The following PACS2 variants were observed in gnomAD, a reference collection of about 807,000 sequenced individuals.
PACS2 encodes phosphofurin acidic cluster sorting protein 2.
A neutral mutation model predicts 113.0 loss-of-function variants in PACS2; 36 were observed. The observed-to-expected ratio is 0.32, with a 90% CI of 0.24 to 0.42. The LOEUF (loss-of-function observed/expected upper bound fraction) is 0.42, where lower values mean the gene tolerates loss of function less well. Among genes scored for constraint, PACS2 ranks in the 10% least tolerant of loss-of-function variants. The probability of loss-of-function intolerance (pLI) is 1.00; values close to 1 mark genes in which losing one functional copy is unlikely to be tolerated. For missense variants in PACS2, 1,015 were observed against 1,239.5 expected (o/e 0.82, Z 2.72); for synonymous variants, 589 against 536.1 (o/e 1.10, Z -1.36).
chr14:105,381,902 G>T lies in PACS2; in HGVS notation c.1269-12G>T. Reference sequence around the variant, plus strand: ...CTGCCACAGCCACTTAGCCTGTCCTGGTCCCCAATAGGTCCGAGGGGAAGC... The same window carrying T: ...CTGCCACAGCCACTTAGCCTGTCCTTGTCCCCAATAGGTCCGAGGGGAAGC... On this transcript the variant is annotated splice_polypyrimidine_tract_variant and intron_variant, in intron 12 of 24. Coordinates refer to ENST00000447393, the MANE Select transcript of PACS2 (RefSeq NM_001100913.3). 6.5e-7 allele frequency: 1 copy of T among 1,549,728 alleles called. No homozygotes were observed. The highest frequency in any genetic ancestry group is 2.0e-5 in the Admixed American group (1 of 50,948).
At chr14:105,336,200 C>G (rs1429150420) in intron 1 of PACS2, among the ~76,000 whole-genome samples, 1 of 152,256 alleles carries the variant, frequency 6.6e-6, no homozygotes. Flanking sequence ...TGCCTGGGGT[C>G]TTAACCATCT....
At chr14:105,391,902 C>A in intron 22 of PACS2, 136 bp downstream of exon 22, 1 of 912,568 alleles carries the variant, frequency 1.1e-6, no homozygotes, top group Non-Finnish European at 1.6e-6. Context: ...AGGGGCTCTG[C>A]AGGACGGCTG....
At position 105,362,148 on chromosome 14, in the gene PACS2, G is replaced by A. The variant is rs1202636386; in HGVS notation, c.424-5065G>A. On this transcript the variant is annotated intron_variant, in intron 4 of 24. Coordinates refer to ENST00000447393, the MANE Select transcript of PACS2 (RefSeq NM_001100913.3). ...AAAAAAAAAGAATGGGCCAGGTGTG[G>A]TGGCTCACGCCTGTCATCCCAGCAC... 6.0e-5 allele frequency among the ~76,000 whole-genome samples: 9 copies of A among 150,854 alleles called. No individual in the cohort carries two copies. In the East Asian group the frequency reaches 8.0e-4, roughly 13 times the overall value.
chr14:105,379,856 G>T, intron 10 of PACS2, 27 bp downstream of exon 10: 1 of 1,601,234 alleles, frequency 6.2e-7, no homozygotes, highest in South Asian at 1.1e-5. Context: ...TGATCTCCCA[G>T]AGCAGACCGT....
chr14:105,349,462 A>G (rs587774620), intron 2 of PACS2, among the ~76,000 whole-genome samples: 1 of 152,318 alleles, frequency 6.6e-6, no homozygotes, highest in East Asian at 1.9e-4. Context: ...CCAAGGCCCC[A>G]CACAGGTCCC....
At chr14:105,312,584 T>C (rs2058375422), upstream of PACS2, among the ~76,000 whole-genome samples, 1 of 152,172 alleles carries the variant, frequency 6.6e-6, no homozygotes, top group African/African-American at 2.4e-5. Flanking sequence ...GCCAGGGTCA[T>C]AGCATGGGGA....
intron 19 of PACS2, 31 bp downstream of exon 19, chr14:105,385,748 G>C: frequency 7.0e-7 from 1 of 1,434,118 alleles, no homozygotes; most frequent in Non-Finnish European, 9.3e-7. Context: ...CTCCCACCCT[G>C]TCTGTCCCCA....
rs2058493007 is a variant in PACS2 at position 105,314,830 on chromosome 14, C to T, written c.-89C>T. On this transcript the variant is annotated 5_prime_UTR_variant, in exon 1 of 25. Transcript: ENST00000447393. ...CCGCCCGGCAGCCATGTGACCGCGC[C>T]GCCGCCCTCCGCGCGCCCGGCCCGC... The T allele has an allele frequency of 2.4e-6, 1 of 416,364 alleles. No individual in the cohort carries two copies. The highest frequency in any genetic ancestry group is 9.9e-5 in the South Asian group (1 of 10,136). 25.8% of individuals were successfully genotyped at this position (416,364 alleles called of 1,614,324 possible). A position where few individuals can be genotyped will look rare whatever the true frequency, so the allele number is the denominator to read the frequency against.
chr14:105,359,403 G>A (rs1034717202), intron 4 of PACS2, among the ~76,000 whole-genome samples: 24 of 151,628 alleles, frequency 1.6e-4, no homozygotes, highest in African/African-American at 5.8e-4. Flanking sequence ...CACCTCCCGG[G>A]TTCAAGTGAT....
chr14:105,333,082 A>G (rs2059365003), intron 1 of PACS2, among the ~76,000 whole-genome samples: 1 of 150,022 alleles, frequency 6.7e-6, no homozygotes, highest in African/African-American at 2.5e-5. Context: ...ATGTAGACCA[A>G]CTGGCGTGGG....
rs1377775340 is a variant in PACS2 at position 105,340,404 on chromosome 14, C to G, written c.120-8089C>G. On this transcript the variant is annotated intron_variant, in intron 1 of 24. Transcript: ENST00000447393. The surrounding 1 kb of genome is among the most constrained non-coding windows in gnomAD (Gnocchi z 4.2). ...GATGGATTAAAGCAGTGGTCCCCAA[C>G]CTTTTTGCCGCCAGGGACCGGTTTT... 1.3e-5 allele frequency among the ~76,000 whole-genome samples: 2 copies of G among 152,198 alleles called. No individual in the cohort carries two copies. Among genetic ancestry groups the G allele is most frequent in the Non-Finnish European group, 2.9e-5 (2 of 68,036 alleles).
chr14:105,380,864 A>C (rs1338340825), intron 11 of PACS2, 93 bp from the exon 12 acceptor site: 3 of 1,304,844 alleles, frequency 2.3e-6, no homozygotes, highest in Non-Finnish European at 3.1e-6. Flanking sequence ...GAGAGGCCTA[A>C]ACCCTCACCC....
intron 1 of PACS2, among the ~76,000 whole-genome samples, chr14:105,321,979 G>A (rs1049157459): frequency 5.4e-5 from 8 of 149,450 alleles, no homozygotes; most frequent in South Asian, 2.1e-4. Context: ...TCGCTGTGTC[G>A]CCAGGCTGGA....
rs1020703247 is a variant in PACS2 at position 105,387,488 on chromosome 14, C to A, written c.2033+1771C>A. The stretch of plus-strand genomic sequence containing the variant: ...TGCCCTCCGTGCCCGCGGGGCCTCC[C>A]CACGCCACGGTGGTATGCTCCTTAC... On this transcript the variant is annotated intron_variant, in intron 19 of 24. Transcript: ENST00000447393. Among the ~76,000 whole-genome samples, 7 of 152,236 alleles carry A rather than the reference C, an allele frequency of 4.6e-5. 1 individual carries two copies. Among genetic ancestry groups the A allele is most frequent in the Admixed American group, 3.3e-4 (5 of 15,286 alleles).
rs1011786648 is a variant in PACS2 at position 105,337,685 on chromosome 14, G to T, written c.120-10808G>T. On this transcript the variant is annotated intron_variant, in intron 1 of 24. Coordinates refer to ENST00000447393, the MANE Select transcript of PACS2 (RefSeq NM_001100913.3). ...TGGGTTCCTGTTCAAAATGGGAAGT[G>T]GTCTCCAAACCCCAGGGCCCACCTG... 4.6e-5 allele frequency among the ~76,000 whole-genome samples: 7 copies of T among 152,196 alleles called. No individual in the cohort carries two copies. The East Asian group carries it at 1.3e-3, about 29-fold the overall frequency.
intron 1 of PACS2, among the ~76,000 whole-genome samples, chr14:105,319,135 A>G (rs2058786230): frequency 6.6e-6 from 1 of 150,546 alleles, no homozygotes; most frequent in South Asian, 2.1e-4. Context: ...TTTAGTAGAG[A>G]CAGGGTTTCA....
intron 2 of PACS2, among the ~76,000 whole-genome samples, chr14:105,349,291 C>T (rs1294709877): frequency 1.3e-5 from 2 of 152,250 alleles, no homozygotes; most frequent in Non-Finnish European, 2.9e-5. Context: ...TCTCCCTAGC[C>T]GGCACCACTC....
chr14:105,362,214 C>A (rs587653403), intron 4 of PACS2, among the ~76,000 whole-genome samples: 11 of 151,004 alleles, frequency 7.3e-5, no homozygotes, highest in South Asian at 4.2e-4. Context: ...GTCAGGAGAT[C>A]AAGACCATCC....
At chr14:105,344,546 C>A (rs1555402240) in intron 1 of PACS2, among the ~76,000 whole-genome samples, 1 of 152,084 alleles carries the variant, frequency 6.6e-6, no homozygotes, top group African/African-American at 2.4e-5. Context: ...TCAAAGTAGT[C>A]AAATTTTTGT....
Sources: gnomAD v4.1 joint callset for allele counts (sites outside exome capture counted in the v4.1 genomes callset) on GRCh38, gnomAD v4.1.1 for gene constraint, Gnocchi (gnomAD v3.1) non-coding constraint, MANE v1.5 for transcripts, NCBI Gene and HGNC (gene_info 2026-07-23, HGNC 2026-07-21) for gene names.